Variants in GOLPH3L observed in about 807,000 individuals in gnomAD.
GOLPH3L encodes golgi phosphoprotein 3 like.
Under a neutral mutation model 30.3 loss-of-function variants are expected in GOLPH3L, and 22 were observed. The observed-to-expected ratio is 0.73, with a 90% CI of 0.52 to 1.04. The LOEUF is 1.04. GOLPH3L is among the 50% of genes least tolerant of loss of function. The probability of loss-of-function intolerance (pLI) is 0.00; values close to 1 mark genes in which losing one functional copy is unlikely to be tolerated. For missense variants in GOLPH3L, 303 were observed against 345.8 expected (o/e 0.88, Z 0.98); for synonymous variants, 120 against 128.2 (o/e 0.94, Z 0.43).
At chr1:150,663,582 T>C in intron 3 of GOLPH3L, 50 bp downstream of exon 3, 2 of 1,517,082 alleles carry the variant, frequency 1.3e-6, no homozygotes, top group South Asian at 1.2e-5. Context: ...AAATGTACTG[T>C]TGGTATTTGC....
intron 2 of GOLPH3L, among the ~76,000 whole-genome samples, chr1:150,668,020 T>G (rs1650549359): frequency 6.6e-6 from 1 of 152,154 alleles, no homozygotes; most frequent in South Asian, 2.1e-4. Context: ...GGGTCACATT[T>G]CCACATAACC....
intron 2 of GOLPH3L, among the ~76,000 whole-genome samples, chr1:150,682,343 G>A (rs1650974015): frequency 6.6e-6 from 1 of 151,024 alleles, no homozygotes; most frequent in South Asian, 2.1e-4. Context: ...TGTTCTCATG[G>A]AGGGCCAGGA....
Position 150,658,889 on chromosome 1 carries a change from G to A in GOLPH3L, c.430+2925C>T, listed in dbSNP as rs587681070. 1.1e-4 allele frequency among the ~76,000 whole-genome samples: 17 copies of A among 152,250 alleles called. 1 individual carries two copies. Among genetic ancestry groups the A allele is most frequent in the African/African-American group, 3.6e-4 (15 of 41,534 alleles). Reference sequence around the variant, plus strand: ...GGCTCTTAATAAGATCCAAATTTGGGAAAGAATAAAAAACCATCTAAAAGG... The same window carrying A: ...GGCTCTTAATAAGATCCAAATTTGGAAAAGAATAAAAAACCATCTAAAAGG... On this transcript the variant is annotated intron_variant, in intron 4 of 4. Transcript: ENST00000271732.
chr1:150,682,615 C>T (rs1454118998), intron 2 of GOLPH3L, among the ~76,000 whole-genome samples: 1 of 98,738 alleles, frequency 1.0e-5, no homozygotes, highest in African/African-American at 4.1e-5. Flanking sequence ...TGGTGACAGA[C>T]TCTTTCTCAA....
intron 4 of GOLPH3L, among the ~76,000 whole-genome samples, chr1:150,659,900 T>C (rs1282695716): frequency 6.6e-6 from 1 of 151,952 alleles, no homozygotes; most frequent in Non-Finnish European, 1.5e-5. Context: ...CCAGGTGTGA[T>C]GGTGCGCACC....
At chr1:150,656,078 C>T (rs1345161178) in intron 4 of GOLPH3L, among the ~76,000 whole-genome samples, 1 of 152,158 alleles carries the variant, frequency 6.6e-6, no homozygotes, top group Non-Finnish European at 1.5e-5. Flanking sequence ...AACAATTGAA[C>T]CTACTCGTAA....
intron 2 of GOLPH3L, among the ~76,000 whole-genome samples, chr1:150,680,419 C>T (rs1422805191): frequency 2.6e-5 from 4 of 152,084 alleles, no homozygotes; most frequent in South Asian, 2.1e-4. Flanking sequence ...TATACATTAT[C>T]CAAGTAAGAA....
At chr1:150,683,260 G>A (rs1651000985) in intron 2 of GOLPH3L, among the ~76,000 whole-genome samples, 1 of 152,072 alleles carries the variant, frequency 6.6e-6, no homozygotes, top group Admixed American at 6.6e-5. Flanking sequence ...AAATTGGCCT[G>A]GAGCGGTGGC....
intron 2 of GOLPH3L, among the ~76,000 whole-genome samples, chr1:150,666,277 T>C (rs2101793648): frequency 6.6e-6 from 1 of 152,306 alleles, no homozygotes. Flanking sequence ...GTCTTTATTT[T>C]AACCCCGTCT....
Position 150,647,915 on chromosome 1 carries a change from A to T in GOLPH3L, c.*406T>A. ...TCTGAGAGACAAAGGCTGTGAAAAC[A>T]TGTATTTATGATAGAAAACAAACTC... On this transcript the variant is annotated 3_prime_UTR_variant, in exon 5 of 5. Coordinates refer to ENST00000271732, the MANE Select transcript of GOLPH3L (RefSeq NM_018178.6). 6.2e-6 allele frequency: 1 copy of T among 161,626 alleles called. No homozygotes were observed. The highest frequency in any genetic ancestry group is 1.3e-5 in the Non-Finnish European group (1 of 74,554). The allele number at this position is 161,626 out of a possible 1,614,324, so 10.0% of individuals were successfully genotyped here.
rs112316044 is a variant in GOLPH3L at position 150,674,829 on chromosome 1, G to A, written c.184-11066C>T. On this transcript the variant is annotated intron_variant, in intron 2 of 4. Transcript: ENST00000271732. ...ATCCCTCAAGCCCAGGAGGTCAAGGGGGCAGTGAGCCATGATCATGCCACT... is the reference window on the plus strand; with the variant it reads ...ATCCCTCAAGCCCAGGAGGTCAAGGAGGCAGTGAGCCATGATCATGCCACT... Among the ~76,000 whole-genome samples, 966 of 151,978 alleles carry A rather than the reference G, an allele frequency of 6.4e-3. 8 individuals carry two copies. The highest frequency in any genetic ancestry group is 8.8e-3 in the Admixed American group (134 of 15,288).
chr1:150,694,116 C>T, intron 2 of GOLPH3L: 1 of 436,058 alleles, frequency 2.3e-6, no homozygotes, highest in South Asian at 1.6e-5. Context: ...ACCTCGGCTC[C>T]CCAAAGTGCT....
intron 2 of GOLPH3L, among the ~76,000 whole-genome samples, chr1:150,692,309 A>G (rs909930782): frequency 8.1e-4 from 123 of 152,278 alleles, no homozygotes; most frequent in Non-Finnish European, 3.4e-4. Flanking sequence ...ATTCTTCCTG[A>G]GCCAAATGAA....
intron 4 of GOLPH3L, among the ~76,000 whole-genome samples, chr1:150,657,260 A>C (rs1029379158): frequency 6.6e-6 from 1 of 152,246 alleles, no homozygotes; most frequent in Non-Finnish European, 1.5e-5. Flanking sequence ...ATTTAACTGA[A>C]GGGAATCAAA....
chr1:150,654,635 G>A (rs2101780127), intron 4 of GOLPH3L, among the ~76,000 whole-genome samples: 1 of 152,324 alleles, frequency 6.6e-6, no homozygotes, highest in African/African-American at 2.4e-5. Context: ...CTACATTTGA[G>A]CCTTTTCCTT....
intron 3 of GOLPH3L, 45 bp downstream of exon 3, chr1:150,663,587 A>G: frequency 1.3e-6 from 2 of 1,547,752 alleles, no homozygotes; most frequent in Non-Finnish European, 8.8e-7. Flanking sequence ...TACTGTTGGT[A>G]TTTGCCTTTC....
chr1:150,660,695 T>C (rs1177566923), intron 4 of GOLPH3L, among the ~76,000 whole-genome samples: 1 of 152,136 alleles, frequency 6.6e-6, no homozygotes, highest in African/African-American at 2.4e-5. Flanking sequence ...ATGACAGATA[T>C]TGTATGATTC....
In GOLPH3L at chr1:150,694,859, A is replaced by G. The variant is rs1159794271; in HGVS notation, c.-12-9T>C. ...GTCATTCTCACCTGTTTCTGGAGGG[A>G]GTGGTGAAAAAAAAAATCCATATGT... On this transcript the variant is annotated splice_polypyrimidine_tract_variant and intron_variant, in intron 1 of 4. Transcript: ENST00000271732. The G allele has an allele frequency of 3.9e-6, 6 of 1,538,430 alleles. No individual in the cohort carries two copies. Among genetic ancestry groups the G allele is most frequent in the African/African-American group, 1.4e-5 (1 of 71,624 alleles).
Position 150,694,823 on chromosome 1 carries a change from G to A in GOLPH3L, c.16C>T (p.His6Tyr), listed in dbSNP as rs985711514. 3 of 1,607,782 alleles carry A rather than the reference G, an allele frequency of 1.9e-6. No individual in the cohort carries two copies. The highest frequency in any genetic ancestry group is 8.5e-7 in the Non-Finnish European group (1 of 1,177,546). ...CTTATTTCAGTGCGACGGGCCCGGT[G>A]AGTTAAAGTGGTCATTCTCACCTGT... MTTLT[H>Y]RARRTEISKN... The change falls in exon 2 of 5, where the codon CAC (histidine) becomes TAC (tyrosine). Residue 6 changes from histidine to tyrosine, a missense_variant. Physicochemically the swap from His to Tyr is moderately conservative, Grantham distance 83 (BLOSUM62 2). Transcript: ENST00000271732.
Sources: allele counts gnomAD v4.1 joint callset (sites outside exome capture counted in the v4.1 genomes callset), GRCh38; gene constraint gnomAD v4.1.1; transcripts MANE v1.5; gene names NCBI Gene and HGNC (gene_info 2026-07-23, HGNC 2026-07-21).